The following RYR2 variants were observed in gnomAD, a reference collection of about 807,000 sequenced individuals.
RYR2 encodes cardiac muscle ryanodine receptor-calcium release channel.
Under a neutral mutation model 601.1 loss-of-function variants are expected in RYR2, and 227 were observed. That is an observed-to-expected ratio of 0.38 (90% CI 0.34 to 0.42). The LOEUF is 0.42. Ranked by LOEUF, RYR2 falls within the 10% of genes least tolerant of loss-of-function variation. The probability of loss-of-function intolerance (pLI) is 1.00; values close to 1 mark genes in which losing one functional copy is unlikely to be tolerated. For synonymous variants in RYR2, 2,223 were observed against 2,175.1 expected, an observed-to-expected ratio of 1.02 and a Z score of -0.61; for missense variants, 4,646 against 6,156.5, an observed-to-expected ratio of 0.75 and a Z score of 8.21.
At chr1:237,810,332 C>T (rs1007215548) in intron 100 of RYR2, among the ~76,000 whole-genome samples, 11 of 152,078 alleles carry the variant, frequency 7.2e-5, no homozygotes, top group South Asian at 2.1e-4. Context: ...AGACAATTCA[C>T]GGTAAAATTA....
At chr1:237,202,718 C>A (rs894878566) in intron 1 of RYR2, among the ~76,000 whole-genome samples, 4 of 152,152 alleles carry the variant, frequency 2.6e-5, no homozygotes, top group Non-Finnish European at 4.4e-5. Context: ...TTTAACAACA[C>A]CTTTTTAATG....
At position 237,795,612 on chromosome 1, in the gene RYR2, G is replaced by A. The variant is rs950442229; in HGVS notation, c.13956+281G>A. On this transcript the variant is annotated intron_variant, in intron 96 of 104. Transcript: ENST00000366574. ...ATTCCAGGCGCCTGCCACCACACCC[G>A]GCTAATTTTTGTATTTTTAGTCGAG... 8.8e-5 allele frequency among the ~76,000 whole-genome samples: 9 copies of A among 102,632 alleles called. No individual in the cohort carries two copies. The East Asian group carries it at 4.1e-3, about 47-fold the overall frequency. 67.3% of individuals were successfully genotyped at this position (102,632 alleles called of 152,430 possible).
intron 1 of RYR2, among the ~76,000 whole-genome samples, chr1:237,119,267 A>G (rs1670492763): frequency 6.6e-6 from 1 of 152,340 alleles, no homozygotes; most frequent in African/African-American, 2.4e-5. Context: ...AAGGGCTTCC[A>G]GAAGAAACCA....
At chr1:237,385,536 C>T (rs1294405754) in intron 8 of RYR2, among the ~76,000 whole-genome samples, 2 of 152,068 alleles carry the variant, frequency 1.3e-5, no homozygotes, top group Non-Finnish European at 2.9e-5. Flanking sequence ...TTCAGTGAAC[C>T]CATGATGAAT....
intron 29 of RYR2, among the ~76,000 whole-genome samples, chr1:237,570,338 ATTTT>A (rs202206483): frequency 4.2e-5 from 6 of 143,028 alleles, no homozygotes; most frequent in Admixed American, 1.4e-4. Flanking sequence ...GTTAGTTTGA[ATTTT>A]TTTTTTTTTT....
chr1:237,065,442 G>A (rs1663475662), intron 1 of RYR2, among the ~76,000 whole-genome samples: 2 of 92,772 alleles, frequency 2.2e-5, no homozygotes, highest in Non-Finnish European at 4.6e-5. Flanking sequence ...ACCACGCCTG[G>A]CTAATTTTTT....
At chr1:237,059,915 T>C (rs760692987) in intron 1 of RYR2, among the ~76,000 whole-genome samples, 14 of 152,158 alleles carry the variant, frequency 9.2e-5, no homozygotes, top group Admixed American at 4.6e-4. Flanking sequence ...CAGGTGTCTG[T>C]AGGGTGCTGT....
Position 237,216,713 on chromosome 1 carries a change from G to T in RYR2, c.49-53784G>T, listed in dbSNP as rs1018173257. Among the ~76,000 whole-genome samples, 16 of 149,882 alleles carry T rather than the reference G, an allele frequency of 1.1e-4. 1 individual carries two copies. The highest frequency in any genetic ancestry group is 7.4e-5 in the Non-Finnish European group (5 of 67,692). ...ATCGTACTATTGCACTCCAGCTTGG[G>T]CGACACGGTAAGACTCCTTTTCTTA... is the stretch of plus-strand genomic sequence containing the variant. On this transcript the variant is annotated intron_variant, in intron 1 of 104. Transcript: ENST00000366574.
intron 2 of RYR2, among the ~76,000 whole-genome samples, chr1:237,284,485 T>TAAAATATATAAAA (rs1355010093): frequency 9.6e-6 from 1 of 103,990 alleles, no homozygotes; most frequent in African/African-American, 3.8e-5. Context: ...TACATATATA[T>TAAAATATATAAAA]AATATATAAA....
intron 1 of RYR2, among the ~76,000 whole-genome samples, chr1:237,181,289 G>T (rs1428010786): frequency 1.3e-5 from 2 of 152,094 alleles, no homozygotes; most frequent in Non-Finnish European, 2.9e-5. Context: ...TGGCAGCTAA[G>T]CACTTTTATA....
At chr1:237,626,599 T>C (rs1679697761) in intron 40 of RYR2, among the ~76,000 whole-genome samples, 1 of 132,168 alleles carries the variant, frequency 7.6e-6, no homozygotes, top group African/African-American at 2.8e-5. Context: ...TTTTTTTTTT[T>C]TTTTTTTTTT....
chr1:237,344,744 G>T (rs1374369394), intron 3 of RYR2, among the ~76,000 whole-genome samples: 1 of 152,152 alleles, frequency 6.6e-6, no homozygotes, highest in Non-Finnish European at 1.5e-5. Context: ...TTTGTTCAAT[G>T]TCCATTCTTT....
intron 2 of RYR2, among the ~76,000 whole-genome samples, chr1:237,293,639 A>G (rs1023745683): frequency 1.3e-4 from 20 of 152,206 alleles, no homozygotes; most frequent in African/African-American, 4.1e-4. Context: ...AAAACAGTTT[A>G]CTAATGTTTA....
intron 63 of RYR2, among the ~76,000 whole-genome samples, chr1:237,696,329 T>G (rs1687430545): frequency 6.6e-6 from 1 of 152,136 alleles, no homozygotes. Flanking sequence ...ACTGGATCTC[T>G]TCCTCCTCAT....
intron 34 of RYR2, among the ~76,000 whole-genome samples, chr1:237,601,552 A>G (rs1676506081): frequency 6.6e-6 from 1 of 152,070 alleles, no homozygotes; most frequent in African/African-American, 2.4e-5. Context: ...ACCATCAGGT[A>G]TTGTATATCT....
At chr1:237,571,997 C>T (rs2779407) in intron 29 of RYR2, among the ~76,000 whole-genome samples, 92,893 of 151,972 alleles carry the variant, frequency 0.61, 30,098 homozygotes, top group Non-Finnish European at 0.71. Flanking sequence ...GATTGAATTA[C>T]TACTGACCAT....
Position 237,760,987 on chromosome 1 carries a change from A to T in RYR2, c.11435A>T (p.Asn3812Ile). The T allele has an allele frequency of 6.3e-7, 1 of 1,580,016 alleles. No individual in the cohort carries two copies. Among genetic ancestry groups the T allele is most frequent in the Non-Finnish European group, 8.6e-7 (1 of 1,161,496 alleles). Residue 3812 changes from asparagine (N) to isoleucine (I), a missense_variant, in exon 84 of 105, where the codon AAC (asparagine) becomes ATC (isoleucine). By Grantham distance (149) the Asn-to-Ile change is moderately radical. Transcript: ENST00000366574. Reference sequence around the variant, plus strand: ...GACCTAAATGCATTTGAGCGACAAAACAAAGCTGAAGGTCTTGGGATGGTG... The same window carrying T: ...GACCTAAATGCATTTGAGCGACAAATCAAAGCTGAAGGTCTTGGGATGGTG... ...VLDLNAFERQ[N>I]KAEGLGMVTE...
At chr1:237,546,942 A>G (rs945846069) in intron 25 of RYR2, among the ~76,000 whole-genome samples, 2 of 142,376 alleles carry the variant, frequency 1.4e-5, no homozygotes, top group African/African-American at 5.0e-5. Context: ...TTAGTAGTCT[A>G]TTTTTAAGAG....
rs189225660 is a variant in RYR2, at chr1:237,824,338, T to G, written c.14591-4043T>G. On this transcript the variant is annotated intron_variant, in intron 101 of 104. Coordinates refer to ENST00000366574, the MANE Select transcript of RYR2 (RefSeq NM_001035.3). ...GAAAAGCTTATCCACCATGATCAAG[T>G]AGGCTTCATCCCTGGGATGCAAGGC... 3.3e-5 allele frequency among the ~76,000 whole-genome samples: 5 copies of G among 149,722 alleles called. No individual in the cohort carries two copies. The East Asian group carries it at 9.6e-4, about 29-fold the overall frequency.
Sources: gnomAD v4.1 joint callset for allele counts (sites outside exome capture counted in the v4.1 genomes callset) on GRCh38, gnomAD v4.1.1 for gene constraint, MANE v1.5 for transcripts, NCBI Gene and HGNC (gene_info 2026-07-23, HGNC 2026-07-21) for gene names.